Variants in PTPRD observed in about 807,000 individuals in gnomAD.
PTPRD encodes protein tyrosine phosphatase receptor type D.
A neutral mutation model predicts 214.5 loss-of-function variants in PTPRD; 34 were observed. The observed-to-expected ratio is 0.16, with a 90% CI of 0.12 to 0.21. The LOEUF (loss-of-function observed/expected upper bound fraction) is 0.21, where lower values mean the gene tolerates loss of function less well. Ranked by LOEUF, PTPRD falls within the 10% of genes least tolerant of loss-of-function variation. The probability of loss-of-function intolerance (pLI) is 1.00; values close to 1 mark genes in which losing one functional copy is unlikely to be tolerated. For synonymous variants in PTPRD, 1,128 were observed against 845.7 expected, an observed-to-expected ratio of 1.33 and a Z score of -5.79; for missense variants, 2,545 against 2,398.7, an observed-to-expected ratio of 1.06 and a Z score of -1.27.
chr9:9,647,913 T>C (rs1026198841), intron 7 of PTPRD, among the ~76,000 whole-genome samples: 2 of 152,144 alleles, frequency 1.3e-5, no homozygotes, highest in South Asian at 2.1e-4. Context: ...AGTCCCCAGA[T>C]CTCATACTTT....
intron 5 of PTPRD, among the ~76,000 whole-genome samples, chr9:9,898,634 G>T (rs779152290): frequency 6.6e-6 from 1 of 152,078 alleles, no homozygotes; most frequent in Admixed American, 6.6e-5. Context: ...GCACTGAAGT[G>T]TTGTGGTTGT....
Position 8,951,766 on chromosome 9 carries a change from A to G in PTPRD, c.-104+66931T>C, listed in dbSNP as rs2099103352. On this transcript the variant is annotated intron_variant, in intron 11 of 45. Transcript: ENST00000381196. The stretch of plus-strand genomic sequence containing the variant: ...CACTATCACCACAGCACCCAAGTTC[A>G]CCCCAAGTTCTTGTGTGGAAAATGA... Among the ~76,000 whole-genome samples, 3 of 151,972 alleles carry G rather than the reference A, an allele frequency of 2.0e-5. No homozygotes were observed. The South Asian group carries it at 6.2e-4, about 31-fold the overall frequency.
intron 39 of PTPRD, among the ~76,000 whole-genome samples, chr9:8,354,942 A>G (rs1500315): frequency 0.34 from 51,579 of 152,116 alleles, 11,743 homozygotes; most frequent in African/African-American, 0.62. Context: ...CTACTGAAAA[A>G]TAAATGAATT....
intron 8 of PTPRD, among the ~76,000 whole-genome samples, chr9:9,496,732 T>C (rs768148538): frequency 5.3e-5 from 8 of 152,192 alleles, no homozygotes; most frequent in Non-Finnish European, 1.2e-4. Context: ...CCATATGATA[T>C]AGTAATTCTA....
chr9:10,551,363 A>G (rs1282766751), intron 2 of PTPRD, among the ~76,000 whole-genome samples: 1 of 152,080 alleles, frequency 6.6e-6, no homozygotes, highest in African/African-American at 2.4e-5. Context: ...AAAAATAAAA[A>G]TTACATATTT....
intron 2 of PTPRD, among the ~76,000 whole-genome samples, chr9:10,381,018 T>C (rs1008181449): frequency 2.0e-5 from 3 of 151,818 alleles, no homozygotes; most frequent in African/African-American, 7.3e-5. Flanking sequence ...CTGCTTAGAA[T>C]GGAGAGAGAT....
intron 3 of PTPRD, among the ~76,000 whole-genome samples, chr9:10,200,597 G>A (rs924891003): frequency 6.6e-6 from 1 of 151,970 alleles, no homozygotes; most frequent in African/African-American, 2.4e-5. Context: ...TTACAACAAA[G>A]GAAACACATT....
At chr9:10,123,267 A>G (rs2098791071) in intron 3 of PTPRD, among the ~76,000 whole-genome samples, 1 of 152,172 alleles carries the variant, frequency 6.6e-6, no homozygotes, top group South Asian at 2.1e-4. Flanking sequence ...TTTAGACCCA[A>G]TAGACTTTAA....
chr9:10,148,976 T>C (rs546073549), intron 3 of PTPRD, among the ~76,000 whole-genome samples: 16 of 152,292 alleles, frequency 1.1e-4, no homozygotes, highest in African/African-American at 3.6e-4. Flanking sequence ...AACAGAAATG[T>C]GGTTTCAGAA....
At chr9:10,402,562 A>C (rs758431356) in intron 2 of PTPRD, among the ~76,000 whole-genome samples, 6 of 151,880 alleles carry the variant, frequency 4.0e-5, no homozygotes, top group Non-Finnish European at 7.4e-5. Flanking sequence ...CTTTTTATTA[A>C]CTACAGTATA....
At chr9:10,106,468 G>C (rs934198268) in intron 3 of PTPRD, among the ~76,000 whole-genome samples, 2 of 151,816 alleles carry the variant, frequency 1.3e-5, no homozygotes, top group African/African-American at 4.8e-5. Context: ...GCATAAAGAG[G>C]GAAAGTATAG....
chr9:10,012,496 A>G (rs1177143321), intron 4 of PTPRD, among the ~76,000 whole-genome samples: 1 of 151,988 alleles, frequency 6.6e-6, no homozygotes, highest in African/African-American at 2.4e-5. Flanking sequence ...TCCTTTCACC[A>G]CACCTTATAA....
chr9:8,700,944 C>A (rs144828429), intron 12 of PTPRD: 1 of 152,008 alleles, frequency 6.6e-6, no homozygotes, highest in Non-Finnish European at 1.5e-5. Flanking sequence ...AGGCAGATCA[C>A]AAGGTCAGGA....
chr9:8,646,039 G>C (rs1435397390), intron 12 of PTPRD, among the ~76,000 whole-genome samples: 1 of 148,396 alleles, frequency 6.7e-6, no homozygotes, highest in Non-Finnish European at 1.5e-5. Context: ...CTGGACATTA[G>C]AATCACCTGG....
intron 9 of PTPRD, among the ~76,000 whole-genome samples, chr9:9,221,621 A>G (rs1411898612): frequency 6.6e-6 from 1 of 151,944 alleles, no homozygotes; most frequent in East Asian, 1.9e-4. Flanking sequence ...GTATATTTTC[A>G]TAAGGACCCC....
At chr9:8,421,344 TCTTTC>T in intron 35 of PTPRD, among the ~76,000 whole-genome samples, 1 of 133,414 alleles carries the variant, frequency 7.5e-6, no homozygotes, top group African/African-American at 2.7e-5. Flanking sequence ...CTTTTTCTTT[TCTTTC>T]TTCTTCTCTC....
chr9:9,300,235 A>G (rs769606810), intron 9 of PTPRD, among the ~76,000 whole-genome samples: 51 of 151,378 alleles, frequency 3.4e-4, no homozygotes, highest in Non-Finnish European at 5.8e-4. Flanking sequence ...AAAATTCAAG[A>G]TACTTAAAAT....
At chr9:8,881,532 A>C (rs560587132) in intron 11 of PTPRD, among the ~76,000 whole-genome samples, 1 of 152,196 alleles carries the variant, frequency 6.6e-6, no homozygotes, top group Non-Finnish European at 1.5e-5. Context: ...ATACATCACA[A>C]TGTACTGATA....
chr9:9,987,311 C>T (rs2095749964), intron 4 of PTPRD, among the ~76,000 whole-genome samples: 1 of 152,082 alleles, frequency 6.6e-6, no homozygotes, highest in Admixed American at 6.5e-5. Context: ...TGTCCATTTT[C>T]ACACTGCTGA....
Sources: gnomAD v4.1 joint callset for allele counts (sites outside exome capture counted in the v4.1 genomes callset) on GRCh38, gnomAD v4.1.1 for gene constraint, MANE v1.5 for transcripts, NCBI Gene and HGNC (gene_info 2026-07-23, HGNC 2026-07-21) for gene names.